The following SLC12A6 variants were observed in gnomAD, a reference collection of about 807,000 sequenced individuals.
SLC12A6 encodes solute carrier family 12 member 6.
In SLC12A6, 66 loss-of-function variants were observed where a neutral mutation model predicts 135.3. The observed-to-expected ratio is 0.49, with a 90% confidence interval of 0.40 to 0.60. The LOEUF (loss-of-function observed/expected upper bound fraction) is 0.60. Among genes scored for constraint, SLC12A6 ranks in the 20% least tolerant of loss-of-function variants. The pLI is 0.00. For synonymous variants in SLC12A6, 513 were observed against 508.8 expected (o/e 1.01, Z -0.11); for missense variants, 1,058 against 1,452.3 (o/e 0.73, Z 4.41).
intron 2 of SLC12A6, among the ~76,000 whole-genome samples, chr15:34,311,992 TA>T (rs1343488396): frequency 2.0e-5 from 3 of 152,224 alleles, no homozygotes; most frequent in Admixed American, 1.3e-4. Flanking sequence ...ATTAGACCAC[TA>T]AAAGTAGTTC....
intron 4 of SLC12A6, among the ~76,000 whole-genome samples, chr15:34,259,645 A>T (rs943324277): frequency 1.3e-5 from 2 of 152,196 alleles, no homozygotes; most frequent in African/African-American, 4.8e-5. Flanking sequence ...TCTCAAAAAC[A>T]AACTAAAAAT....
intron 2 of SLC12A6, among the ~76,000 whole-genome samples, chr15:34,335,157 T>C (rs1191119611): frequency 6.6e-6 from 1 of 152,234 alleles, no homozygotes; most frequent in African/African-American, 2.4e-5. Flanking sequence ...GTAATTTTAA[T>C]CCAGTGTATG....
chr15:34,336,268 A>G, intron 2 of SLC12A6, 142 bp downstream of exon 2: 1 of 739,536 alleles, frequency 1.4e-6, no homozygotes, highest in South Asian at 1.5e-5. Flanking sequence ...AGAGTTCCTA[A>G]GCATCTCACA....
At chr15:34,241,416 T>C in intron 17 of SLC12A6, 79 bp from the exon 18 acceptor site, 1 of 771,382 alleles carries the variant, frequency 1.3e-6, no homozygotes, top group Non-Finnish European at 2.2e-6. Context: ...TTTTTCTGAA[T>C]CTAAAAATCA....
rs1491392673 is a variant in SLC12A6 at position 34,231,588 on chromosome 15, C to CTTT, written c.*2290_*2292dup. On this transcript the variant is annotated 3_prime_UTR_variant, in exon 26 of 26. Coordinates refer to ENST00000354181, the MANE Select transcript of SLC12A6 (RefSeq NM_001365088.1). ...TCAAAATTACTCAATTTCTTTCTTT[C>CTTT]TTTCTTTTTTTTTTTTTTTGAGATG... 2 of 104,234 alleles carry CTTT rather than the reference C, an allele frequency of 1.9e-5. No individual in the cohort carries two copies. Among genetic ancestry groups the CTTT allele is most frequent in the African/African-American group, 6.6e-5 (2 of 30,184 alleles). 6.5% of individuals were successfully genotyped at this position (104,234 alleles called of 1,614,324 possible). A position where few individuals can be genotyped will look rare whatever the true frequency, so the allele number is the denominator to read the frequency against.
chr15:34,269,633 G>A (rs1893773473), intron 3 of SLC12A6, among the ~76,000 whole-genome samples: 1 of 152,034 alleles, frequency 6.6e-6, no homozygotes, highest in South Asian at 2.1e-4. Context: ...CCATTGATGT[G>A]TTAAGGAAAC....
rs1892342374 is a variant in SLC12A6, at chr15:34,250,904, A to G, written c.1487T>C (p.Val496Ala). Reference protein sequence around the residue: ...TLLVGIFFPSVTGIMAGSNRS... With the variant: ...TLLVGIFFPSATGIMAGSNRS... Reference sequence around the variant, plus strand: ...ACAACAGCCTATGTGTTTACCTGTAACAGAGGGAAAGAAGATTCCCACCAG... The same window carrying G: ...ACAACAGCCTATGTGTTTACCTGTAGCAGAGGGAAAGAAGATTCCCACCAG... The change falls in exon 11 of 26, where the codon GTT (valine) becomes GCT (alanine). Residue 496 changes from valine to alanine, a missense_variant. Val to Ala is a moderately conservative substitution (Grantham distance 64). Around this residue, in one of 6 missense-constraint regions of SLC12A6, gnomAD observed 297 missense variants for 318.5 expected, o/e 0.93. Transcript: ENST00000354181. 2.5e-6 allele frequency: 4 copies of G among 1,611,536 alleles called. No individual in the cohort carries two copies. Among genetic ancestry groups the G allele is most frequent in the Non-Finnish European group, 3.4e-6 (4 of 1,177,606 alleles).
chr15:34,258,354 G>T (rs764464998), intron 5 of SLC12A6, among the ~76,000 whole-genome samples: 12 of 152,120 alleles, frequency 7.9e-5, no homozygotes, highest in Non-Finnish European at 1.8e-4. Flanking sequence ...ATCAGCAGAT[G>T]GGTATGGACA....
intron 5 of SLC12A6, among the ~76,000 whole-genome samples, chr15:34,258,584 T>A (rs1003785828): frequency 1.2e-4 from 18 of 152,230 alleles, no homozygotes; most frequent in African/African-American, 4.1e-4. Context: ...ACACTTAATA[T>A]GTTATATACT....
At chr15:34,310,175 G>A (rs1303731479) in intron 2 of SLC12A6, among the ~76,000 whole-genome samples, 2 of 37,264 alleles carry the variant, frequency 5.4e-5, no homozygotes, top group Non-Finnish European at 9.6e-5. Context: ...CGCCCAGCTA[G>A]TGTGTGTGTG....
chr15:34,241,420 A>G (rs1891633154), intron 17 of SLC12A6, 83 bp from the exon 18 acceptor site: 1 of 737,434 alleles, frequency 1.4e-6, no homozygotes, highest in Non-Finnish European at 2.4e-6. Flanking sequence ...TCTGAATCTA[A>G]AAATCACACA....
chr15:34,246,506 A>C (rs977379984), intron 13 of SLC12A6, among the ~76,000 whole-genome samples: 14 of 152,184 alleles, frequency 9.2e-5, no homozygotes, highest in African/African-American at 3.4e-4. Context: ...GCTATGAATA[A>C]AAATTTGTAG....
intron 2 of SLC12A6, among the ~76,000 whole-genome samples, chr15:34,333,643 T>C (rs1360102322): frequency 2.0e-5 from 3 of 152,244 alleles, no homozygotes; most frequent in African/African-American, 7.2e-5. Flanking sequence ...TTCTTGATTT[T>C]ACCAACTGGA....
chr15:34,256,351 T>C, intron 6 of SLC12A6, 68 bp from the exon 7 acceptor site: 1 of 1,109,296 alleles, frequency 9.0e-7, no homozygotes, highest in Non-Finnish European at 1.4e-6. Flanking sequence ...ACTTCTCCAT[T>C]TGTGTTCCAA....
intron 12 of SLC12A6, 90 bp from the exon 13 acceptor site, chr15:34,250,445 A>T (rs1892310277): frequency 5.4e-6 from 5 of 918,392 alleles, no homozygotes; most frequent in Non-Finnish European, 9.2e-6. Context: ...TCTGTCAGTA[A>T]AATGAGCTGC....
At chr15:34,284,251 T>C (rs1240591225) in intron 2 of SLC12A6, among the ~76,000 whole-genome samples, 1 of 150,936 alleles carries the variant, frequency 6.6e-6, no homozygotes, top group Non-Finnish European at 1.5e-5. Context: ...AAAAGTAATG[T>C]CCATATTACT....
At chr15:34,296,649 C>T (rs548357704) in intron 2 of SLC12A6, among the ~76,000 whole-genome samples, 3 of 152,266 alleles carry the variant, frequency 2.0e-5, no homozygotes, top group African/African-American at 7.2e-5. Context: ...TGGAACTACA[C>T]AGTGACCACA....
chr15:34,254,655 C>T (rs560537527), intron 8 of SLC12A6, 66 bp from the exon 9 acceptor site: 37 of 1,245,902 alleles, frequency 3.0e-5, no homozygotes, highest in Non-Finnish European at 3.8e-5. Flanking sequence ...AGGCTGTATT[C>T]GTTTGCATTT....
At chr15:34,266,067 A>C (rs1893497943) in intron 3 of SLC12A6, among the ~76,000 whole-genome samples, 1 of 151,052 alleles carries the variant, frequency 6.6e-6, no homozygotes, top group African/African-American at 2.4e-5. Flanking sequence ...AAGTGGGACA[A>C]ATAATTTAGG....
Sources: allele counts gnomAD v4.1 joint callset (sites outside exome capture counted in the v4.1 genomes callset), GRCh38; gene constraint gnomAD v4.1.1; regional missense constraint gnomAD v4.1.1; transcripts MANE v1.5; gene names NCBI Gene and HGNC (gene_info 2026-07-23, HGNC 2026-07-21).